PARD3: variants seen among roughly 807,000 people sequenced by gnomAD.
The protein encoded by PARD3 is par-3 family cell polarity regulator.
PARD3 carries 75 observed loss-of-function variants against 155.4 expected under a neutral mutation model. The ratio of observed to expected loss-of-function variants is 0.48; its 90% CI spans 0.40 to 0.58. The LOEUF is 0.58. PARD3 is among the 20% of genes least tolerant of loss of function. The pLI, the probability that PARD3 is intolerant of heterozygous loss-of-function variation, is 0.00. For synonymous variants in PARD3, 576 were observed against 610.5 expected (o/e 0.94, Z 0.83); for missense variants, 1,642 against 1,721.7 (o/e 0.95, Z 0.82).
chr10:34,538,890 T>A (rs2083408465), intron 2 of PARD3, among the ~76,000 whole-genome samples: 3 of 152,220 alleles, frequency 2.0e-5, no homozygotes, highest in South Asian at 4.1e-4. Context: ...ACACCAACCG[T>A]GACTTGCAAA....
intron 2 of PARD3, among the ~76,000 whole-genome samples, chr10:34,632,695 A>C (rs2092318030): frequency 6.6e-6 from 1 of 152,376 alleles, no homozygotes; most frequent in African/African-American, 2.4e-5. Flanking sequence ...ATGCAGTCAA[A>C]AGCTTATTAT....
intron 2 of PARD3, among the ~76,000 whole-genome samples, chr10:34,589,534 C>T (rs1465071451): frequency 6.6e-6 from 1 of 150,414 alleles, no homozygotes; most frequent in East Asian, 2.0e-4. Context: ...TCTTGGACTT[C>T]CAGCCTCCAG....
At chr10:34,172,422 A>G (rs1949838815) in intron 22 of PARD3, among the ~76,000 whole-genome samples, 1 of 152,208 alleles carries the variant, frequency 6.6e-6, no homozygotes, top group African/African-American at 2.4e-5. Flanking sequence ...ATTTTATAAA[A>G]AGCTCCAACA....
At chr10:34,531,947 C>A (rs547078913) in intron 2 of PARD3, among the ~76,000 whole-genome samples, 2 of 152,266 alleles carry the variant, frequency 1.3e-5, no homozygotes, top group South Asian at 4.1e-4. Context: ...CATCACACTG[C>A]ACTTTAAGCA....
chr10:34,421,944 G>C (rs1291270297), intron 5 of PARD3, among the ~76,000 whole-genome samples: 1 of 152,100 alleles, frequency 6.6e-6, no homozygotes, highest in East Asian at 1.9e-4. Context: ...GTCTCAGTGA[G>C]GAGGTGAAAT....
At chr10:34,699,389 G>C (rs979494892) in intron 1 of PARD3, among the ~76,000 whole-genome samples, 1 of 152,070 alleles carries the variant, frequency 6.6e-6, no homozygotes, top group African/African-American at 2.4e-5. Context: ...TCCCACAAGA[G>C]TTTAAAAACC....
At chr10:34,738,395 T>C (rs903798674) in intron 1 of PARD3, among the ~76,000 whole-genome samples, 3 of 152,228 alleles carry the variant, frequency 2.0e-5, no homozygotes, top group Admixed American at 6.5e-5. Flanking sequence ...CAGGCTGGTC[T>C]GGAACTCCTG....
At chr10:34,737,216 G>A (rs1245676735) in intron 1 of PARD3, among the ~76,000 whole-genome samples, 2 of 152,190 alleles carry the variant, frequency 1.3e-5, no homozygotes, top group Non-Finnish European at 2.9e-5. Context: ...AATAGTCGGT[G>A]AGGTCAAAGG....
intron 5 of PARD3, among the ~76,000 whole-genome samples, chr10:34,427,193 C>T (rs1171438238): frequency 6.6e-6 from 1 of 152,180 alleles, no homozygotes; most frequent in East Asian, 1.9e-4. Flanking sequence ...AGGGAGATAA[C>T]CTGAAAGTCT....
intron 3 of PARD3, among the ~76,000 whole-genome samples, chr10:34,500,215 CA>C (rs1429476489): frequency 1.3e-5 from 2 of 152,020 alleles, no homozygotes; most frequent in African/African-American, 4.8e-5. Flanking sequence ...GAAGAAGCTA[CA>C]AAATAAAGCA....
intron 2 of PARD3, among the ~76,000 whole-genome samples, chr10:34,585,891 C>T (rs372102955): frequency 6.6e-6 from 1 of 152,174 alleles, no homozygotes; most frequent in East Asian, 1.9e-4. Context: ...GAGAAGGAAA[C>T]TGAATGGCTC....
chr10:34,117,365 T>C (rs1946736229), intron 24 of PARD3, among the ~76,000 whole-genome samples: 1 of 152,102 alleles, frequency 6.6e-6, no homozygotes, highest in South Asian at 2.1e-4. Context: ...GGGAGGGCCA[T>C]GCCAGGTGGG....
intron 22 of PARD3, among the ~76,000 whole-genome samples, chr10:34,176,139 C>T (rs1452038506): frequency 6.6e-6 from 1 of 152,178 alleles, no homozygotes; most frequent in Admixed American, 6.5e-5. Flanking sequence ...AAAAAGGAGG[C>T]TATTATCATG....
chr10:34,346,877 C>T (rs926098523), intron 15 of PARD3, among the ~76,000 whole-genome samples: 14 of 152,206 alleles, frequency 9.2e-5, no homozygotes, highest in African/African-American at 3.1e-4. Context: ...GGAAGAAAAA[C>T]AGACAATTCT....
intron 22 of PARD3, among the ~76,000 whole-genome samples, chr10:34,222,807 G>C (rs1398035192): frequency 6.6e-6 from 1 of 152,178 alleles, no homozygotes; most frequent in Non-Finnish European, 1.5e-5. Flanking sequence ...AGCACGATAA[G>C]TCCAAGAAAG....
intron 22 of PARD3, among the ~76,000 whole-genome samples, chr10:34,132,947 C>A (rs897749162): frequency 6.6e-6 from 1 of 152,104 alleles, no homozygotes; most frequent in African/African-American, 2.4e-5. Context: ...AGGAGTTTGG[C>A]TGGGGATGGC....
chr10:34,310,457 TAG>T (rs1435508984), intron 20 of PARD3, among the ~76,000 whole-genome samples: 4 of 152,334 alleles, frequency 2.6e-5, no homozygotes, highest in East Asian at 1.9e-4. Flanking sequence ...AGGTTTGCTT[TAG>T]AGAGACTATC....
chr10:34,620,177 T>C (rs1236232902), intron 2 of PARD3, among the ~76,000 whole-genome samples: 1 of 152,242 alleles, frequency 6.6e-6, no homozygotes, highest in Non-Finnish European at 1.5e-5. Flanking sequence ...TTGGTTATTC[T>C]GTGTTCTTGC....
rs1016852017 is a variant in PARD3 at position 34,331,030 on chromosome 10, C to G, written c.2833+87G>C. ...GATCTCAGAGATTACCCTGAAGAAT[C>G]TTAGAAAACTCCAGGGCTCCCTGGA... is the stretch of plus-strand genomic sequence containing the variant. On this transcript the variant is annotated intron_variant, in intron 19 of 24. Transcript: ENST00000374788. 2.6e-5 allele frequency: 24 copies of G among 930,910 alleles called. No homozygotes were observed. In the Admixed American group the frequency reaches 4.0e-4, roughly 16 times the overall value. 57.7% of individuals were successfully genotyped at this position (930,910 alleles called of 1,614,324 possible).
Sources: allele counts gnomAD v4.1 joint callset (sites outside exome capture counted in the v4.1 genomes callset), GRCh38; gene constraint gnomAD v4.1.1; transcripts MANE v1.5; gene names NCBI Gene and HGNC (gene_info 2026-07-23, HGNC 2026-07-21).